DCAF13: variants seen among roughly 807,000 people sequenced by gnomAD.
DCAF13 encodes the protein DDB1 and CUL4 associated factor 13.
Under a neutral mutation model 59.0 loss-of-function variants are expected in DCAF13, and 38 were observed. The ratio of observed to expected loss-of-function variants is 0.64; its 90% CI spans 0.50 to 0.84. The LOEUF (loss-of-function observed/expected upper bound fraction) is 0.84, where lower values mean the gene tolerates loss of function less well. Ranked by LOEUF, DCAF13 falls within the 40% of genes least tolerant of loss-of-function variation. The probability of loss-of-function intolerance (pLI) is 0.00; values close to 1 mark genes in which losing one functional copy is unlikely to be tolerated. For missense variants in DCAF13, 469 were observed against 558.4 expected, an observed-to-expected ratio of 0.84 and a Z score of 1.61; for synonymous variants, 173 against 175.0, an observed-to-expected ratio of 0.99 and a Z score of 0.09.
chr8:103,419,516 C>A (rs1228966212), intron 1 of DCAF13, among the ~76,000 whole-genome samples: 1 of 152,204 alleles, frequency 6.6e-6, no homozygotes, highest in African/African-American at 2.4e-5. Context: ...ATCACAACTT[C>A]GTGTGTCTAT....
chr8:103,432,787 G>GC (rs1167396843), intron 7 of DCAF13, 46 bp downstream of exon 7: 5 of 1,162,502 alleles, frequency 4.3e-6, no homozygotes, highest in Non-Finnish European at 5.1e-6. Flanking sequence ...ATCATGAATG[G>GC]CTTAATTGTA....
At position 103,420,699 on chromosome 8, in the gene DCAF13, A is replaced by C. The variant is rs115669004; in HGVS notation, c.270+236A>C. 1,228 of 587,036 alleles carry C rather than the reference A, an allele frequency of 2.1e-3. 13 individuals are homozygous for C. Among genetic ancestry groups the C allele is most frequent in the African/African-American group, 0.015 (811 of 53,604 alleles). 36.4% of individuals were successfully genotyped at this position (587,036 alleles called of 1,614,324 possible). Reference sequence around the variant, plus strand: ...AAATAATCATGTTTATAATTAAAGTATTTAAGTATGAGTTTTTTCACAGAT... The same window carrying C: ...AAATAATCATGTTTATAATTAAAGTCTTTAAGTATGAGTTTTTTCACAGAT... On this transcript the variant is annotated intron_variant, in intron 2 of 10. Transcript: ENST00000612750.
At chr8:103,442,084 T>C (rs3134273) in intron 10 of DCAF13, 76,289 of 152,174 alleles carry the variant, frequency 0.5, 19,815 homozygotes, top group African/African-American at 0.64. Flanking sequence ...TTTCTTTTTC[T>C]TTTTCCCAAA....
intron 10 of DCAF13, chr8:103,442,480 C>T (rs1430127764): frequency 5.7e-6 from 1 of 176,676 alleles, no homozygotes; most frequent in Admixed American, 6.1e-5. Context: ...CTTTATTTTT[C>T]AATTAGAATA....
chr8:103,439,383 C>CTTTTTTTTTTTTTT (rs34676422), intron 8 of DCAF13: 2 of 85,790 alleles, frequency 2.3e-5, no homozygotes, highest in East Asian at 3.7e-4. Flanking sequence ...TTTAATTAAG[C>CTTTTTTTTTTTTTT]TTTTTTTTTT....
chr8:103,426,013 C>T (rs758339272), intron 3 of DCAF13, 43 bp from the exon 4 acceptor site: 99 of 1,358,252 alleles, frequency 7.3e-5, no homozygotes, highest in Non-Finnish European at 1.0e-4. Context: ...TAATTTATAA[C>T]TGTTGTTCCT....
chr8:103,417,368 G>A (rs144834191), intron 1 of DCAF13, among the ~76,000 whole-genome samples: 4 of 152,082 alleles, frequency 2.6e-5, no homozygotes, highest in Non-Finnish European at 4.4e-5. Flanking sequence ...TTGGCTGGGC[G>A]TGGTGGCTTA....
chr8:103,443,007 T>TA lies in DCAF13; in HGVS notation c.*126dup, dbSNP rs1398719576. On this transcript the variant is annotated 3_prime_UTR_variant, in exon 11 of 11. Coordinates refer to ENST00000612750, the MANE Select transcript of DCAF13 (RefSeq NM_015420.7). ...AGTTATATGTGTAGAGCTTTATTGTTACTCCTTTTAGCTACCCTGAAAAAT... is the reference window on the plus strand; with the variant it reads ...AGTTATATGTGTAGAGCTTTATTGTTAACTCCTTTTAGCTACCCTGAAAAAT... The TA allele has an allele frequency of 6.8e-6, 4 of 585,304 alleles. No individual in the cohort carries two copies. In the East Asian group the frequency reaches 9.7e-5, roughly 14 times the overall value. The allele number at this position is 585,304 out of a possible 1,614,324, so 36.3% of individuals were successfully genotyped here.
At chr8:103,441,372 G>T in intron 9 of DCAF13, 83 bp from the exon 10 acceptor site, 1 of 1,324,764 alleles carries the variant, frequency 7.5e-7, no homozygotes. Context: ...ATTAGGTTAG[G>T]GGGAAAAGGG....
Position 103,443,097 on chromosome 8 carries a change from T to C in DCAF13, c.*215T>C, listed in dbSNP as rs1045669851. ...CTTAATCTGCATTCTTCTTTCATTG[T>C]AGAATACAGTATTTGCAACTCATTT... On this transcript the variant is annotated 3_prime_UTR_variant, in exon 11 of 11. Transcript: ENST00000612750. 2.1e-4 allele frequency: 83 copies of C among 398,164 alleles called. No homozygotes were observed. The highest frequency in any genetic ancestry group is 3.4e-4 in the Non-Finnish European group (76 of 223,080). The allele number at this position is 398,164 out of a possible 1,614,324, so 24.7% of individuals were successfully genotyped here. A position where few individuals can be genotyped will look rare whatever the true frequency, so the allele number is the denominator to read the frequency against.
intron 6 of DCAF13, among the ~76,000 whole-genome samples, chr8:103,432,270 T>TTAC (rs1246342414): frequency 1.3e-5 from 2 of 152,210 alleles, no homozygotes; most frequent in Non-Finnish European, 2.9e-5. Context: ...AAACACTGAA[T>TTAC]TACTGATCCT....
chr8:103,435,392 C>G (rs1816919263), intron 7 of DCAF13, among the ~76,000 whole-genome samples: 1 of 152,022 alleles, frequency 6.6e-6, no homozygotes, highest in Non-Finnish European at 1.5e-5. Context: ...ACATTTTCTA[C>G]AATGAGATTT....
chr8:103,435,633 A>G lies in DCAF13; in HGVS notation c.793A>G (p.Thr265Ala), dbSNP rs1816922139. The G allele has an allele frequency of 1.9e-6, 3 of 1,553,042 alleles. No individual in the cohort carries two copies. Among genetic ancestry groups the G allele is most frequent in the East Asian group, 2.3e-5 (1 of 43,790 alleles). The change falls in exon 8 of 11, where the codon ACT (threonine) becomes GCT (alanine). Residue 265 changes from threonine to alanine, a missense_variant. Physicochemically the swap from Thr to Ala is moderately conservative, Grantham distance 58. This residue lies in a region of DCAF13 where 355 missense variants were observed against 399.1 expected (regional missense o/e 0.89). Coordinates refer to ENST00000612750, the MANE Select transcript of DCAF13 (RefSeq NM_015420.7). Reference protein sequence around the residue: ...TAANEDYNLYTFDMRALDTPV... With the variant: ...TAANEDYNLYAFDMRALDTPV... ...TTAAAAATTCTTTTACAGCTTATAT[A>G]CTTTTGATATGCGTGCACTGGACAC...
At chr8:103,424,565 A>G (rs1443120024) in intron 3 of DCAF13, among the ~76,000 whole-genome samples, 3 of 152,198 alleles carry the variant, frequency 2.0e-5, no homozygotes, top group Non-Finnish European at 4.4e-5. Flanking sequence ...TTGTTCGGCT[A>G]CTCATTTCTA....
chr8:103,432,057 A>G (rs916448252), intron 6 of DCAF13, among the ~76,000 whole-genome samples: 5 of 152,126 alleles, frequency 3.3e-5, no homozygotes, highest in African/African-American at 1.2e-4. Flanking sequence ...TCCATCTACT[A>G]GTCTATCAAT....
chr8:103,436,892 A>G (rs1816941996), intron 8 of DCAF13, among the ~76,000 whole-genome samples: 1 of 152,214 alleles, frequency 6.6e-6, no homozygotes, highest in Non-Finnish European at 1.5e-5. Context: ...CAATCTGCTT[A>G]TCTAACTCTT....
At chr8:103,442,481 A>C in intron 10 of DCAF13, 1 of 178,278 alleles carries the variant, frequency 5.6e-6, no homozygotes, top group Non-Finnish European at 1.2e-5. Flanking sequence ...TTTATTTTTC[A>C]ATTAGAATAT....
At chr8:103,423,875 T>A (rs1816754734) in intron 3 of DCAF13, among the ~76,000 whole-genome samples, 1 of 152,170 alleles carries the variant, frequency 6.6e-6, no homozygotes, top group African/African-American at 2.4e-5. Context: ...CCCCCCACTT[T>A]ATTTTTTTAA....
chr8:103,421,220 C>A, intron 3 of DCAF13, 138 bp downstream of exon 3: 1 of 695,390 alleles, frequency 1.4e-6, no homozygotes, highest in Non-Finnish European at 2.6e-6. Flanking sequence ...CTTATTAAAC[C>A]TTGAAAATTA....
Sources: allele counts gnomAD v4.1 joint callset (sites outside exome capture counted in the v4.1 genomes callset), GRCh38; gene constraint gnomAD v4.1.1; regional missense constraint gnomAD v4.1.1; transcripts MANE v1.5; gene names NCBI Gene and HGNC (gene_info 2026-07-23, HGNC 2026-07-21).